The following CBARP variants were observed in gnomAD, a reference collection of about 807,000 sequenced individuals.
CBARP encodes voltage-dependent calcium channel beta subunit-associated regulatory protein.
In CBARP, 24 loss-of-function variants were observed where a neutral mutation model predicts 36.3. That is an observed-to-expected ratio of 0.66 (90% CI 0.48 to 0.93). The LOEUF (loss-of-function observed/expected upper bound fraction) is 0.93, where lower values mean the gene tolerates loss of function less well. Ranked by LOEUF, CBARP falls within the 40% of genes least tolerant of loss-of-function variation. CBARP has a pLI of 0.00. For synonymous variants in CBARP, 586 were observed against 453.2 expected, an observed-to-expected ratio of 1.29 and a Z score of -3.72; for missense variants, 1,146 against 980.4, an observed-to-expected ratio of 1.17 and a Z score of -2.26.
chr19:1,235,720 C>T, intron 3 of CBARP, 59 bp downstream of exon 3: 1 of 1,604,484 alleles, frequency 6.2e-7, no homozygotes, highest in Non-Finnish European at 8.5e-7. Context: ...AGACCCCCCA[C>T]CACCCGATGG....
intron 9 of CBARP, chr19:1,230,629 A>AGCCCCAC: frequency 8.0e-7 from 1 of 1,243,716 alleles, no homozygotes; most frequent in Non-Finnish European, 1.0e-6. Flanking sequence ...GCTCTGCCCC[A>AGCCCCAC]GCCCCACGCC....
At chr19:1,236,190 T>C (rs2145460584) in intron 1 of CBARP, 69 bp from the exon 2 acceptor site, 1 of 1,353,780 alleles carries the variant, frequency 7.4e-7, no homozygotes, top group Non-Finnish European at 9.5e-7. Flanking sequence ...GCAGACAAGC[T>C]GGGTCTTCCC....
chr19:1,235,274 G>T, intron 4 of CBARP, 129 bp from the exon 5 acceptor site: 1 of 1,148,920 alleles, frequency 8.7e-7, no homozygotes, highest in Non-Finnish European at 1.1e-6. Context: ...CCGGGCTGGC[G>T]GGGCGAGGGA....
Position 1,235,809 on chromosome 19 carries a change from C to T in CBARP, c.215G>A (p.Arg72His). The change falls in exon 3 of 10, where the codon CGC becomes CAC. Residue 72 changes from arginine to histidine, a missense_variant. By Grantham distance (29) the Arg-to-His change is conservative. Transcript: ENST00000650044. Reference sequence around the variant, plus strand: ...GAGGCGCTGGTGGACGTCCCAGCAGCGCTTGCAGAGGAGCAGGACGCCAGA... The same window carrying T: ...GAGGCGCTGGTGGACGTCCCAGCAGTGCTTGCAGAGGAGCAGGACGCCAGA... ...VLSGVLLLCK[R>H]CWDVHQRLNR... The T allele has an allele frequency of 2.5e-6, 4 of 1,609,482 alleles. No individual in the cohort carries two copies. Among genetic ancestry groups the T allele is most frequent in the Non-Finnish European group, 3.4e-6 (4 of 1,179,920 alleles).
chr19:1,233,688 G>A (rs1210993670), intron 7 of CBARP, 52 bp from the exon 8 acceptor site: 12 of 1,524,314 alleles, frequency 7.9e-6, no homozygotes, highest in African/African-American at 2.7e-5. Flanking sequence ...CTGGGCCCGT[G>A]TGCTGGCCCC....
Position 1,229,470 on chromosome 19 carries a change from G to C in CBARP, c.1827C>G (p.Ala609=). 4.1e-6 allele frequency: 4 copies of C among 978,992 alleles called. No individual in the cohort carries two copies. The highest frequency in any genetic ancestry group is 4.8e-6 in the Non-Finnish European group (4 of 827,654). 60.6% of individuals were successfully genotyped at this position (978,992 alleles called of 1,614,324 possible). A position where few individuals can be genotyped will look rare whatever the true frequency, so the allele number is the denominator to read the frequency against. Residue 609 remains alanine (A), a synonymous_variant, in exon 10 of 10, where the codon GCC becomes GCG. Transcript: ENST00000650044. The surrounding 1 kb of genome is among the most constrained non-coding windows in gnomAD (Gnocchi z 5.1). ...AGTPAPPAGA[A]RPARAPLRRG... ...GCCGCAAGGGCGCACGCGCGGGTCG[G>C]GCCGCGCCGGCAGGCGGTGCCGGGG... is the stretch of plus-strand genomic sequence containing the variant.
chr19:1,230,196 G>A (rs957525756), intron 9 of CBARP, 54 bp from the exon 10 acceptor site: 3 of 995,034 alleles, frequency 3.0e-6, no homozygotes, highest in Non-Finnish European at 3.6e-6. Context: ...CCCCCTACCC[G>A]GCCGGCCATC....
Position 1,234,742 on chromosome 19 carries a change from C to T in CBARP, c.456G>A (p.Arg152=), listed in dbSNP as rs764159453. Residue 152 remains arginine, a splice_region_variant and synonymous_variant, in exon 6 of 10, where the codon CGG becomes CGA. Coordinates refer to ENST00000650044, the MANE Select transcript of CBARP (RefSeq NM_001393918.1). ...QSRKTQDKGR[R]YTLTEGDFHH... ...GGAAGTCCCCCTCCGTCAGTGTGTACCTGCGACAGCATCTGGCCATCAGAG... is the reference window on the plus strand; with the variant it reads ...GGAAGTCCCCCTCCGTCAGTGTGTATCTGCGACAGCATCTGGCCATCAGAG... The T allele has an allele frequency of 5.0e-6, 8 of 1,612,068 alleles. No homozygotes were observed. In the South Asian group the frequency reaches 8.8e-5, roughly 18 times the overall value.
chr19:1,231,679 GTC>G (rs1273512830), intron 8 of CBARP, among the ~76,000 whole-genome samples: 2 of 150,314 alleles, frequency 1.3e-5, no homozygotes, highest in South Asian at 2.1e-4. Flanking sequence ...CGTGTGCCCT[GTC>G]TCTGTCTCAC....
At position 1,234,619 on chromosome 19, in the gene CBARP, G is replaced by A; in HGVS notation, c.579C>T (p.Thr193=). Residue 193 remains threonine (T), a synonymous_variant, in exon 6 of 10, where the codon ACC becomes ACT. Coordinates refer to ENST00000650044, the MANE Select transcript of CBARP (RefSeq NM_001393918.1). ...ECDSGEASSA[T]TPHPATSPKA... is the part of the protein sequence containing the mutation. ...TGGGAGAGGTGGCCGGGTGGGGCGT[G>A]GTGGCTGAGCTGGCCTCGCCTGAGT... 6.2e-7 allele frequency: 1 copy of A among 1,609,712 alleles called. No individual in the cohort carries two copies. Among genetic ancestry groups the A allele is most frequent in the South Asian group, 1.1e-5 (1 of 90,034 alleles).
rs2080866821 is a variant in CBARP at position 1,229,907 on chromosome 19, G to A, written c.1390C>T (p.Arg464Cys). ...SSSGNDRDSV[R>C]SGDSSGSGSG... is the part of the protein sequence containing the mutation. ...CCTGAGCCCGAGCTGTCGCCGCTGC[G>A]CACCGAGTCGCGGTCGTTGCCGCTG... The change falls in exon 10 of 10, where the codon CGC becomes TGC. Residue 464 changes from arginine to cysteine, a missense_variant. Coordinates refer to ENST00000650044, the MANE Select transcript of CBARP (RefSeq NM_001393918.1). This position sits in a 1 kb window ranked among gnomAD's most constrained non-coding sequence, Gnocchi z 5.1. 8.9e-6 allele frequency: 10 copies of A among 1,118,064 alleles called. No individual in the cohort carries two copies. Among genetic ancestry groups the A allele is most frequent in the African/African-American group, 3.4e-5 (2 of 58,910 alleles). The allele number at this position is 1,118,064 out of a possible 1,614,324, so 69.3% of individuals were successfully genotyped here. A position where few individuals can be genotyped will look rare whatever the true frequency, so the allele number is the denominator to read the frequency against.
At chr19:1,236,535 G>A (rs2080976158) in intron 1 of CBARP, among the ~76,000 whole-genome samples, 1 of 152,044 alleles carries the variant, frequency 6.6e-6, no homozygotes, top group Non-Finnish European at 1.5e-5. Flanking sequence ...CCATCACGGG[G>A]GTGGGGGGCT....
Position 1,235,046 on chromosome 19 carries a change from G to T in CBARP, c.410C>A (p.Ala137Glu). 1 of 1,611,176 alleles carries T rather than the reference G, an allele frequency of 6.2e-7. No homozygotes were observed. Among genetic ancestry groups the T allele is most frequent in the African/African-American group, 1.3e-5 (1 of 74,992 alleles). ...STGRRVSFNE[A>E]ALFEQSRKTQ... ...CTTGCGGCTCTGCTCAAACAGCGCC[G>T]CCTCATTGAAGGAGACCCGGCGGCC... The change falls in exon 5 of 10, where the codon GCG becomes GAG. Residue 137 changes from alanine to glutamate, a missense_variant. Physicochemically the swap from Ala to Glu is moderately radical, Grantham distance 107. Coordinates refer to ENST00000650044, the MANE Select transcript of CBARP (RefSeq NM_001393918.1).
chr19:1,233,203 C>T (rs111486655), intron 8 of CBARP, among the ~76,000 whole-genome samples: 4 of 152,244 alleles, frequency 2.6e-5, no homozygotes, highest in Admixed American at 6.5e-5. Flanking sequence ...CACAGGTTCC[C>T]GGAGCTGGGT....
intron 9 of CBARP, 65 bp downstream of exon 9, chr19:1,231,036 G>C (rs201218608): frequency 1.3e-4 from 206 of 1,556,762 alleles, no homozygotes; most frequent in Middle Eastern, 5.2e-4. Flanking sequence ...GGCCGCCTAG[G>C]GGGGGGCGAA....
intron 1 of CBARP, among the ~76,000 whole-genome samples, chr19:1,237,222 G>T (rs1431713874): frequency 6.6e-6 from 1 of 152,248 alleles, no homozygotes; most frequent in Non-Finnish European, 1.5e-5. Flanking sequence ...GCAGGGTCCC[G>T]GCGGGGGCTG....
chr19:1,229,959 C>T lies in CBARP; in HGVS notation c.1338G>A (p.Leu446=), dbSNP rs1010598120. The T allele has an allele frequency of 8.3e-7, 1 of 1,206,770 alleles. No individual in the cohort carries two copies. Among genetic ancestry groups the T allele is most frequent in the Non-Finnish European group, 1.1e-6 (1 of 948,354 alleles). The allele number at this position is 1,206,770 out of a possible 1,614,324, so 74.8% of individuals were successfully genotyped here. The change falls in exon 10 of 10, where the codon CTG becomes CTA. Residue 446 remains leucine, a synonymous_variant. Transcript: ENST00000650044. This position sits in a 1 kb window ranked among gnomAD's most constrained non-coding sequence, Gnocchi z 5.1. ...TGCTGTGGTCCGAGGCGGCCGCATG[C>T]AGCTCAAGCGAGGCGCGCAGGCTCC... The part of the protein sequence containing the change: ...DLWSLRASLE[L]HAAASDHSSS...
At chr19:1,235,293 C>T in intron 4 of CBARP, 148 bp from the exon 5 acceptor site, 2 of 1,064,508 alleles carry the variant, frequency 1.9e-6, no homozygotes, top group Non-Finnish European at 1.3e-6. Flanking sequence ...GACACTCGTC[C>T]ATCCGCTCAC....
chr19:1,229,087 G>T lies in CBARP; in HGVS notation c.*92C>A. On this transcript the variant is annotated 3_prime_UTR_variant, in exon 10 of 10. Transcript: ENST00000650044. The surrounding 1 kb of genome is among the most constrained non-coding windows in gnomAD (Gnocchi z 5.1). ...GGGCCCGCGGTCCCCGCGCATTCGC[G>T]TCGGGGCGTCGCGCCCCCACGTCTC... 1 of 378,338 alleles carries T rather than the reference G, an allele frequency of 2.6e-6. No individual in the cohort carries two copies. Among genetic ancestry groups the T allele is most frequent in the Non-Finnish European group, 3.6e-6 (1 of 274,074 alleles). 23.4% of individuals were successfully genotyped at this position (378,338 alleles called of 1,614,324 possible).
Sources: allele counts gnomAD v4.1 joint callset (sites outside exome capture counted in the v4.1 genomes callset), GRCh38; gene constraint gnomAD v4.1.1; non-coding constraint Gnocchi (gnomAD v3.1); transcripts MANE v1.5; gene names NCBI Gene and HGNC (gene_info 2026-07-23, HGNC 2026-07-21).